Variants in BSCL2 observed in about 807,000 individuals in gnomAD.
BSCL2 encodes BSCL2 lipid droplet biogenesis associated, seipin.
In BSCL2, 41 loss-of-function variants were observed where a neutral mutation model predicts 57.4. The observed-to-expected ratio is 0.71, with a 90% CI of 0.56 to 0.93. The LOEUF (loss-of-function observed/expected upper bound fraction) is 0.93. BSCL2 is among the 40% of genes least tolerant of loss of function. BSCL2 has a pLI of 0.00. For synonymous variants in BSCL2, 237 were observed against 227.3 expected, an observed-to-expected ratio of 1.04 and a Z score of -0.38; for missense variants, 539 against 586.7, an observed-to-expected ratio of 0.92 and a Z score of 0.84.
intron 3 of BSCL2, among the ~76,000 whole-genome samples, chr11:62,701,740 G>A (rs1565150373): frequency 6.6e-6 from 1 of 151,130 alleles, no homozygotes. Context: ...GCTGAGGCAG[G>A]AGAATCGCTT....
At chr11:62,694,802 C>T in intron 3 of BSCL2, 91 bp from the exon 4 acceptor site, 1 of 1,447,966 alleles carries the variant, frequency 6.9e-7, no homozygotes, top group South Asian at 1.2e-5. Context: ...CCCGCAACGC[C>T]CCCAAATACT....
Position 62,694,578 on chromosome 11 carries a change from G to C in BSCL2, c.620C>G (p.Ser207Cys), listed in dbSNP as rs746973203. Residue 207 changes from serine to cysteine, a missense_variant, in exon 4 of 11, where the codon TCT becomes TGT. This residue lies in a region of BSCL2 where 73 missense variants were observed against 122.0 expected (regional missense o/e 0.60). Coordinates refer to ENST00000360796, the MANE Select transcript of BSCL2 (RefSeq NM_001122955.4). Reference sequence around the variant, plus strand: ...GCCACCAACACTTACCGAACGCGAAGAAGTGGAGATGATTCGGCCACCTCT... The same window carrying C: ...GCCACCAACACTTACCGAACGCGAACAAGTGGAGATGATTCGGCCACCTCT... ...YTRGGRIISTSSRSVMLHYRS... is the reference protein window; with the variant it reads ...YTRGGRIISTCSRSVMLHYRS... 3.4e-5 allele frequency: 55 copies of C among 1,613,934 alleles called. No homozygotes were observed. The highest frequency in any genetic ancestry group is 4.4e-5 in the Non-Finnish European group (52 of 1,180,024).
chr11:62,709,185 A>C, upstream of BSCL2: 1 of 459,002 alleles, frequency 2.2e-6, no homozygotes, highest in Non-Finnish European at 4.3e-6. Context: ...TGAAGAATAA[A>C]GTCATCCAGA....
chr11:62,708,607 C>A, upstream of BSCL2: 4 of 1,592,034 alleles, frequency 2.5e-6, no homozygotes, highest in Non-Finnish European at 3.4e-6. Context: ...AAAGAGAACC[C>A]ATTTGGGGAG....
intron 3 of BSCL2, among the ~76,000 whole-genome samples, chr11:62,696,315 A>T (rs897445414): frequency 3.9e-3 from 106 of 27,130 alleles, no homozygotes; most frequent in South Asian, 0.02. Flanking sequence ...TGTGTGTGTG[A>T]AGACAAGGTC....
In BSCL2 at chr11:62,705,443, C is replaced by A; in HGVS notation, c.262G>T (p.Ala88Ser). The change falls in exon 2 of 11, where the codon GCC becomes TCC. Residue 88 changes from alanine to serine, a missense_variant. By Grantham distance (99) the Ala-to-Ser change is moderately conservative (BLOSUM62 1). Transcript: ENST00000360796. ...CCAAACTGCAGCAGCAGCCTGCGGG[C>A]ACGGCCTGCCAAGACTTGGCCCACC... ...QEVGQVLAGR[A>S]RRLLLQFGVL... 6.2e-7 allele frequency: 1 copy of A among 1,614,220 alleles called. No individual in the cohort carries two copies. The highest frequency in any genetic ancestry group is 8.5e-7 in the Non-Finnish European group (1 of 1,180,044).
intron 3 of BSCL2, among the ~76,000 whole-genome samples, chr11:62,697,856 GA>G (rs1945518867): frequency 1.3e-5 from 2 of 150,610 alleles, no homozygotes; most frequent in Admixed American, 6.6e-5. Flanking sequence ...GACTATCCCA[GA>G]CAACACTGAT....
At chr11:62,702,692 CA>C in intron 2 of BSCL2, 143 bp from the exon 3 acceptor site, 1 of 684,030 alleles carries the variant, frequency 1.5e-6, no homozygotes, top group Non-Finnish European at 2.7e-6. Flanking sequence ...AGATGGAGAA[CA>C]AATGTGGCCA....
In BSCL2 at chr11:62,702,491, G is replaced by T; in HGVS notation, c.463C>A (p.Leu155Met). 6.2e-7 allele frequency: 1 copy of T among 1,613,020 alleles called. No homozygotes were observed. Among genetic ancestry groups the T allele is most frequent in the East Asian group, 2.2e-5 (1 of 44,848 alleles). Residue 155 changes from leucine to methionine, a missense_variant, in exon 3 of 11, where the codon CTG becomes ATG. Physicochemically the swap from Leu to Met is conservative, Grantham distance 15 (BLOSUM62 2). This residue lies in a region of BSCL2 where 218 missense variants were observed against 224.8 expected (regional missense o/e 0.97). Coordinates refer to ENST00000360796, the MANE Select transcript of BSCL2 (RefSeq NM_001122955.4). ...LCSFPVANVS[L>M]TKGGRDRVLM... Reference sequence around the variant, plus strand: ...ACCCGATCACGTCCACCCTTAGTCAGCGAGACATTGGCAACAGGGAAGGAG... The same window carrying T: ...ACCCGATCACGTCCACCCTTAGTCATCGAGACATTGGCAACAGGGAAGGAG...
chr11:62,700,779 C>CTG (rs1945614999), intron 3 of BSCL2, among the ~76,000 whole-genome samples: 1 of 152,044 alleles, frequency 6.6e-6, no homozygotes, highest in Non-Finnish European at 1.5e-5. Flanking sequence ...ATGGTGAAAC[C>CTG]CTGTCTCTGC....
upstream of BSCL2, chr11:62,708,222 G>T (rs1410395830): frequency 8.5e-6 from 8 of 940,352 alleles, no homozygotes; most frequent in African/African-American, 1.3e-4. Flanking sequence ...GCCTTGTAAA[G>T]GTTGGTGTGG....
intron 3 of BSCL2, among the ~76,000 whole-genome samples, chr11:62,696,952 C>T (rs890045158): frequency 2.7e-5 from 4 of 150,068 alleles, no homozygotes; most frequent in African/African-American, 9.8e-5. Context: ...GCAGGAGGAT[C>T]CCTTGAGCCC....
At chr11:62,693,820 C>CT (rs199512070) in intron 4 of BSCL2, among the ~76,000 whole-genome samples, 33 of 146,464 alleles carry the variant, frequency 2.3e-4, no homozygotes, top group East Asian at 4.0e-4. Context: ...ATTCCTTTCT[C>CT]TTTTTTTTTT....
chr11:62,692,528 C>T, intron 5 of BSCL2, 55 bp from the exon 6 acceptor site: 1 of 1,610,250 alleles, frequency 6.2e-7, no homozygotes. Flanking sequence ...CGCTAGCACT[C>T]TTACCCGCCT....
chr11:62,701,519 T>C (rs1046666825), intron 3 of BSCL2, among the ~76,000 whole-genome samples: 2 of 152,152 alleles, frequency 1.3e-5, no homozygotes, highest in South Asian at 2.1e-4. Flanking sequence ...GAATATCCCA[T>C]GTGATTTATT....
chr11:62,697,793 C>CAAA (rs1239385916), intron 3 of BSCL2, among the ~76,000 whole-genome samples: 1 of 105,654 alleles, frequency 9.5e-6, no homozygotes. Flanking sequence ...GACTCTGTAT[C>CAAA]AAAAAAAAAA....
At chr11:62,708,638 G>C, upstream of BSCL2, 22 of 1,609,974 alleles carry the variant, frequency 1.4e-5, no homozygotes, top group Non-Finnish European at 1.9e-5. Context: ...GTCCCCTTCA[G>C]AGGTCCTGGC....
At chr11:62,709,500 AG>A (rs974556227), upstream of BSCL2, 3 of 453,944 alleles carry the variant, frequency 6.6e-6, no homozygotes, top group African/African-American at 6.0e-5. Flanking sequence ...GTCGTACAGC[AG>A]AGGAACTCTT....
chr11:62,708,932 G>A (rs2083587656), upstream of BSCL2: 3 of 754,502 alleles, frequency 4.0e-6, no homozygotes, highest in Non-Finnish European at 4.6e-6. Context: ...ACCATGTGAG[G>A]TTATCTGAAG....
Sources: allele counts gnomAD v4.1 joint callset (sites outside exome capture counted in the v4.1 genomes callset), GRCh38; gene constraint gnomAD v4.1.1; regional missense constraint gnomAD v4.1.1; transcripts MANE v1.5; gene names NCBI Gene and HGNC (gene_info 2026-07-23, HGNC 2026-07-21).